The following SLC6A6 variants were observed in gnomAD, a reference collection of about 807,000 sequenced individuals.
The protein encoded by SLC6A6 is solute carrier family 6 member 6.
Under a neutral mutation model 68.8 loss-of-function variants are expected in SLC6A6, and 16 were observed. That is an observed-to-expected ratio of 0.23 (90% CI 0.16 to 0.35). The LOEUF is 0.35. Among genes scored for constraint, SLC6A6 ranks in the 10% least tolerant of loss-of-function variants. The probability of loss-of-function intolerance (pLI) is 1.00; values close to 1 mark genes in which losing one functional copy is unlikely to be tolerated. For synonymous variants in SLC6A6, 312 were observed against 315.4 expected (o/e 0.99, Z 0.12); for missense variants, 474 against 802.8 (o/e 0.59, Z 4.95).
intron 5 of SLC6A6, among the ~76,000 whole-genome samples, chr3:14,449,818 C>G (rs181066396): frequency 2.4e-3 from 368 of 152,206 alleles, no homozygotes; most frequent in African/African-American, 8.5e-3. Context: ...GTGGCGTGAT[C>G]TCGGCTCACT....
At chr3:14,475,415 C>T (rs750909274) in intron 10 of SLC6A6, among the ~76,000 whole-genome samples, 4 of 152,154 alleles carry the variant, frequency 2.6e-5, no homozygotes. Flanking sequence ...TCACCCAGCC[C>T]GCTGACATGG....
At chr3:14,457,882 C>T (rs997114795) in intron 5 of SLC6A6, 68 bp from the exon 6 acceptor site, 19 of 1,547,820 alleles carry the variant, frequency 1.2e-5, no homozygotes, top group African/African-American at 5.4e-5. Flanking sequence ...TGTTAATGTC[C>T]GAGCCTTGGC....
chr3:14,427,345 C>T (rs990540999), intron 2 of SLC6A6, among the ~76,000 whole-genome samples: 2 of 152,158 alleles, frequency 1.3e-5, no homozygotes, highest in African/African-American at 2.4e-5. Flanking sequence ...CCTGTGAGGT[C>T]GATGCCATTA....
intron 2 of SLC6A6, among the ~76,000 whole-genome samples, chr3:14,422,141 G>T (rs1015877522): frequency 6.6e-6 from 1 of 152,108 alleles, no homozygotes; most frequent in Non-Finnish European, 1.5e-5. Context: ...AAACCTCCTG[G>T]ACTTAAAAAG....
intron 1 of SLC6A6, among the ~76,000 whole-genome samples, chr3:14,410,014 C>T (rs1699208897): frequency 6.6e-6 from 1 of 152,046 alleles, no homozygotes; most frequent in Non-Finnish European, 1.5e-5. Flanking sequence ...GGTGAAACCC[C>T]ATTTCTACTA....
Position 14,468,306 on chromosome 3 carries a change from A to T in SLC6A6, c.1096+94A>T. 1.6e-5 allele frequency: 17 copies of T among 1,032,384 alleles called. No homozygotes were observed. Among genetic ancestry groups the T allele is most frequent in the Non-Finnish European group, 2.0e-5 (15 of 747,580 alleles). The allele number at this position is 1,032,384 out of a possible 1,614,324, so 64.0% of individuals were successfully genotyped here. On this transcript the variant is annotated intron_variant, in intron 9 of 14. Coordinates refer to ENST00000622186, the MANE Select transcript of SLC6A6 (RefSeq NM_003043.6). The surrounding 1 kb of genome is among the most constrained non-coding windows in gnomAD (Gnocchi z 4.5). ...TGAAGCCAGACCCCAGGGGGCTTTG[A>T]GGGGGGACGAGCCTGGTTTCTAAAA...
chr3:14,475,634 G>T (rs1431050698), intron 10 of SLC6A6, among the ~76,000 whole-genome samples: 11 of 152,118 alleles, frequency 7.2e-5, no homozygotes, highest in Non-Finnish European at 1.5e-4. Flanking sequence ...GAGAAATGGG[G>T]GTTTGTGCTG....
chr3:14,483,481 G>A (rs1030755693), intron 14 of SLC6A6, among the ~76,000 whole-genome samples: 4 of 152,174 alleles, frequency 2.6e-5, no homozygotes, highest in East Asian at 1.9e-4. Flanking sequence ...GTGGCTGCCT[G>A]GGGGTTTGAC....
In SLC6A6 at chr3:14,445,866, G is replaced by A. The variant is rs1700109234; in HGVS notation, c.364+15G>A. 1.2e-6 allele frequency: 2 copies of A among 1,613,892 alleles called. No individual in the cohort carries two copies. Among genetic ancestry groups the A allele is most frequent in the South Asian group, 2.2e-5 (2 of 91,072 alleles). On this transcript the variant is annotated intron_variant, in intron 4 of 14. Coordinates refer to ENST00000622186, the MANE Select transcript of SLC6A6 (RefSeq NM_003043.6). ...CTTGTTCTCTGGTGAGTATGGGACG[G>A]AGGTCACTTGGGGCCTGGCACTCAT...
chr3:14,451,785 G>T (rs1176282776), intron 5 of SLC6A6, among the ~76,000 whole-genome samples: 1 of 152,208 alleles, frequency 6.6e-6, no homozygotes, highest in African/African-American at 2.4e-5. Context: ...CACCAACCCT[G>T]CAGCGTCTGA....
At chr3:14,482,633 G>T (rs2125000515) in intron 14 of SLC6A6, among the ~76,000 whole-genome samples, 1 of 152,308 alleles carries the variant, frequency 6.6e-6, no homozygotes. Flanking sequence ...GCTGGGCTGG[G>T]TCCTGTTTCC....
In SLC6A6 at chr3:14,472,522, T is replaced by A. The variant is rs1700775585; in HGVS notation, c.1209+205T>A. ...AAAGTGCATTTGAACAAGATAATTATTTAGCCTAATGGAGTGCAAACAAGA... is the reference window on the plus strand; with the variant it reads ...AAAGTGCATTTGAACAAGATAATTAATTAGCCTAATGGAGTGCAAACAAGA... On this transcript the variant is annotated intron_variant, in intron 10 of 14. Coordinates refer to ENST00000622186, the MANE Select transcript of SLC6A6 (RefSeq NM_003043.6). This position sits in a 1 kb window ranked among gnomAD's most constrained non-coding sequence, Gnocchi z 4.5. Among the ~76,000 whole-genome samples the A allele has an allele frequency of 6.6e-6, 1 of 152,204 alleles. No homozygotes were observed. The highest frequency in any genetic ancestry group is 2.1e-4 in the South Asian group (1 of 4,832).
intron 4 of SLC6A6, among the ~76,000 whole-genome samples, chr3:14,446,575 A>G (rs1700126394): frequency 6.6e-6 from 1 of 152,166 alleles, no homozygotes; most frequent in Non-Finnish European, 1.5e-5. Flanking sequence ...AGAAGCCTGT[A>G]GCTACTTGGC....
intron 5 of SLC6A6, among the ~76,000 whole-genome samples, chr3:14,449,607 G>C (rs1176477723): frequency 1.3e-5 from 2 of 152,202 alleles, no homozygotes; most frequent in Non-Finnish European, 2.9e-5. Flanking sequence ...TTCTAGCTTA[G>C]GCGGAAGTAT....
At chr3:14,419,725 G>A (rs890410235) in intron 2 of SLC6A6, among the ~76,000 whole-genome samples, 4 of 152,126 alleles carry the variant, frequency 2.6e-5, no homozygotes, top group Non-Finnish European at 5.9e-5. Flanking sequence ...GGTTAAGTGT[G>A]CAAAAGGCCT....
At chr3:14,454,918 C>G (rs887834239) in intron 5 of SLC6A6, among the ~76,000 whole-genome samples, 3 of 152,150 alleles carry the variant, frequency 2.0e-5, no homozygotes, top group African/African-American at 7.2e-5. Flanking sequence ...TTCTTTCCTG[C>G]ATTTTGTCTC....
intron 1 of SLC6A6, among the ~76,000 whole-genome samples, chr3:14,413,411 G>A (rs1699294172): frequency 6.6e-6 from 1 of 152,232 alleles, no homozygotes; most frequent in South Asian, 2.1e-4. Context: ...GAGAGGTCGT[G>A]GTCTTCTGCT....
chr3:14,449,756 T>C (rs1700213789), intron 5 of SLC6A6, among the ~76,000 whole-genome samples: 3 of 152,108 alleles, frequency 2.0e-5, no homozygotes, highest in South Asian at 4.2e-4. Flanking sequence ...TTATTATTAC[T>C]GTTATTTTGT....
Position 14,443,397 on chromosome 3 carries a change from G to A in SLC6A6, c.-11-227G>A, listed in dbSNP as rs187905642. 4.9e-3 allele frequency among the ~76,000 whole-genome samples: 740 copies of A among 152,186 alleles called. 5 individuals are homozygous for A. The highest frequency in any genetic ancestry group is 0.017 in the African/African-American group (703 of 41,504). ...CGGGGAATGGACCTGCCGATTCTGT[G>A]GGTTGCAAGTGTCCACAGCCTGAAT... On this transcript the variant is annotated intron_variant, in intron 2 of 14. Transcript: ENST00000622186.
Sources: gnomAD v4.1 joint callset for allele counts (sites outside exome capture counted in the v4.1 genomes callset) on GRCh38, gnomAD v4.1.1 for gene constraint, Gnocchi (gnomAD v3.1) non-coding constraint, MANE v1.5 for transcripts, NCBI Gene and HGNC (gene_info 2026-07-23, HGNC 2026-07-21) for gene names.